LAMA3: variants seen among roughly 807,000 people sequenced by gnomAD.
LAMA3 encodes laminin subunit alpha-3.
LAMA3 carries 281 observed loss-of-function variants against 402.0 expected under a neutral mutation model. The ratio of observed to expected loss-of-function variants is 0.70; its 90% CI spans 0.63 to 0.77. The LOEUF is 0.77. Ranked by LOEUF, LAMA3 falls within the 30% of genes least tolerant of loss-of-function variation. LAMA3 has a pLI of 0.00. For synonymous variants in LAMA3, 1,431 were observed against 1,558.4 expected (o/e 0.92, Z 1.93); for missense variants, 3,840 against 4,215.5 (o/e 0.91, Z 2.47).
At chr18:23,779,868 G>A (rs981406183) in intron 11 of LAMA3, among the ~76,000 whole-genome samples, 22 of 152,150 alleles carry the variant, frequency 1.4e-4, no homozygotes, top group African/African-American at 4.6e-4. Flanking sequence ...CCCTGCTTCT[G>A]CCCTACCCAC....
chr18:23,904,233 C>A, intron 50 of LAMA3, 146 bp downstream of exon 50: 1 of 905,758 alleles, frequency 1.1e-6, no homozygotes, highest in Admixed American at 2.1e-5. Context: ...ATGCCCCAGG[C>A]CCAAGTCAGA....
chr18:23,728,659 T>G (rs2061338347), intron 2 of LAMA3, among the ~76,000 whole-genome samples: 1 of 152,182 alleles, frequency 6.6e-6, no homozygotes, highest in South Asian at 2.1e-4. Context: ...CCTGGGACTA[T>G]GAGTGACACG....
At chr18:23,950,738 G>A (rs747786907) in intron 72 of LAMA3, among the ~76,000 whole-genome samples, 16 of 152,174 alleles carry the variant, frequency 1.1e-4, no homozygotes, top group South Asian at 2.1e-4. Flanking sequence ...TTTACTAAAT[G>A]TGAGGGGAAA....
At chr18:23,927,857 CTT>C (rs771840586) in intron 62 of LAMA3, among the ~76,000 whole-genome samples, 36 of 151,948 alleles carry the variant, frequency 2.4e-4, no homozygotes, top group Admixed American at 8.6e-4. Flanking sequence ...TTCTCTGTCT[CTT>C]TACCTTTTGC....
chr18:23,880,213 C>T (rs2064851089), intron 39 of LAMA3, among the ~76,000 whole-genome samples: 1 of 152,132 alleles, frequency 6.6e-6, no homozygotes, highest in African/African-American at 2.4e-5. Flanking sequence ...CTGAAGGAGT[C>T]TGGACCCATA....
At chr18:23,886,925 G>A (rs1032637310) in intron 41 of LAMA3, among the ~76,000 whole-genome samples, 1 of 152,214 alleles carries the variant, frequency 6.6e-6, no homozygotes, top group East Asian at 1.9e-4. Context: ...CACTTGCCAT[G>A]TGTAGGAGGT....
intron 1 of LAMA3, chr18:23,709,903 G>A: frequency 1.4e-6 from 1 of 722,492 alleles, no homozygotes; most frequent in South Asian, 1.3e-5. Context: ...TCTCCATCAG[G>A]CCTAATCAGG....
chr18:23,708,405 A>C (rs1476984403), intron 1 of LAMA3, among the ~76,000 whole-genome samples: 1 of 152,216 alleles, frequency 6.6e-6, no homozygotes, highest in Admixed American at 6.5e-5. Context: ...GTCCTTATTC[A>C]GGTTTTCACT....
intron 38 of LAMA3, among the ~76,000 whole-genome samples, chr18:23,872,389 G>C (rs533952446): frequency 6.6e-6 from 1 of 152,264 alleles, no homozygotes; most frequent in South Asian, 2.1e-4. Context: ...CTGGCTATAA[G>C]TATGTCTTTT....
intron 2 of LAMA3, among the ~76,000 whole-genome samples, chr18:23,734,738 C>T (rs2061446021): frequency 6.6e-6 from 1 of 152,212 alleles, no homozygotes; most frequent in Non-Finnish European, 1.5e-5. Flanking sequence ...TGCCTGTGCA[C>T]CAGGAGTTTC....
intron 10 of LAMA3, among the ~76,000 whole-genome samples, chr18:23,776,966 G>A (rs1240821568): frequency 6.6e-6 from 1 of 151,236 alleles, no homozygotes; most frequent in Non-Finnish European, 1.5e-5. Context: ...TCAGCCTCCT[G>A]AGTAGTTGGG....
chr18:23,933,279 T>G (rs957919271), intron 66 of LAMA3, among the ~76,000 whole-genome samples: 4 of 152,144 alleles, frequency 2.6e-5, no homozygotes, highest in Non-Finnish European at 4.4e-5. Context: ...TCTGCCACAA[T>G]CCCAAGTCAA....
In LAMA3 at chr18:23,954,488, C is replaced by T; in HGVS notation, c.9857-15C>T. Reference sequence around the variant, plus strand: ...ATGAATTATTTACTGAATGCCTCTCCACTTTCTCTTTCAGCCAATTTGACG... The same window carrying T: ...ATGAATTATTTACTGAATGCCTCTCTACTTTCTCTTTCAGCCAATTTGACG... On this transcript the variant is annotated splice_polypyrimidine_tract_variant and intron_variant, in intron 74 of 74. Transcript: ENST00000313654. 6.2e-7 allele frequency: 1 copy of T among 1,611,778 alleles called. No homozygotes were observed. The highest frequency in any genetic ancestry group is 8.5e-7 in the Non-Finnish European group (1 of 1,178,608).
At chr18:23,937,034 G>A (rs1326183324) in intron 67 of LAMA3, among the ~76,000 whole-genome samples, 1 of 152,180 alleles carries the variant, frequency 6.6e-6, no homozygotes, top group Non-Finnish European at 1.5e-5. Context: ...TAGAGCCAAG[G>A]AGTCAGATTG....
intron 32 of LAMA3, among the ~76,000 whole-genome samples, chr18:23,855,799 T>C (rs2064064046): frequency 6.6e-6 from 1 of 152,122 alleles, no homozygotes; most frequent in Non-Finnish European, 1.5e-5. Context: ...CTAAGTGTGG[T>C]TTTGAGGCTA....
At position 23,931,099 on chromosome 18, in the gene LAMA3, T is replaced by C. The variant is rs1359636827; in HGVS notation, c.8474T>C (p.Ile2825Thr). Reference sequence around the variant, plus strand: ...CAGGTCACTCTGGAAGATGGTTACATTGAATTGAGCACCAGCGATAGCGGC... The same window carrying C: ...CAGGTCACTCTGGAAGATGGTTACACTGAATTGAGCACCAGCGATAGCGGC... ...NLQVTLEDGY[I>T]ELSTSDSGGP... is the part of the protein sequence containing the mutation. Residue 2825 changes from isoleucine (I) to threonine (T), a missense_variant, in exon 65 of 75, where the codon ATT becomes ACT. Physicochemically the swap from Ile to Thr is moderately conservative, Grantham distance 89. This residue lies in a region of LAMA3 where 840 missense variants were observed against 981.9 expected (regional missense o/e 0.86). Coordinates refer to ENST00000313654, the MANE Select transcript of LAMA3 (RefSeq NM_198129.4). The C allele has an allele frequency of 5.0e-6, 8 of 1,613,646 alleles. No individual in the cohort carries two copies. The East Asian group carries it at 6.7e-5, about 13-fold the overall frequency.
intron 1 of LAMA3, among the ~76,000 whole-genome samples, chr18:23,693,946 G>A (rs909516013): frequency 9.2e-5 from 14 of 152,172 alleles, no homozygotes; most frequent in African/African-American, 3.4e-4. Context: ...CTGGCCAAGC[G>A]GGTGAGTAGG....
At chr18:23,751,129 A>AT (rs1347587907) in intron 5 of LAMA3, 41 bp downstream of exon 5, 10 of 1,608,554 alleles carry the variant, frequency 6.2e-6, no homozygotes, top group Middle Eastern at 1.6e-4. Flanking sequence ...TTATTTATTC[A>AT]TTTTTTTGGC....
At chr18:23,932,118 T>C (rs766701731) in intron 65 of LAMA3, 42 bp from the exon 66 acceptor site, 1 of 1,612,442 alleles carries the variant, frequency 6.2e-7, no homozygotes, top group Non-Finnish European at 8.5e-7. Flanking sequence ...GGCCCTTTTT[T>C]CCAGCAGTTC....
Sources: gnomAD v4.1 joint callset for allele counts (sites outside exome capture counted in the v4.1 genomes callset) on GRCh38, gnomAD v4.1.1 for gene constraint, gnomAD v4.1.1 regional missense constraint, MANE v1.5 for transcripts, NCBI Gene and HGNC (gene_info 2026-07-23, HGNC 2026-07-21) for gene names.